CHRNA7: variants seen among roughly 807,000 people sequenced by gnomAD.
The protein encoded by CHRNA7 is cholinergic receptor nicotinic alpha 7 subunit.
Under a neutral mutation model 48.0 loss-of-function variants are expected in CHRNA7, and 17 were observed. That is an observed-to-expected ratio of 0.35 (90% confidence interval 0.24 to 0.53). The LOEUF is 0.53. Among genes scored for constraint, CHRNA7 ranks in the 20% least tolerant of loss-of-function variants. The probability of loss-of-function intolerance (pLI) is 0.92; values close to 1 mark genes in which losing one functional copy is unlikely to be tolerated. For synonymous variants in CHRNA7, 75 were observed against 242.3 expected, an observed-to-expected ratio of 0.31 and a Z score of 6.41; for missense variants, 155 against 577.7, an observed-to-expected ratio of 0.27 and a Z score of 7.50.
At chr15:32,052,322 C>T (rs1197142132) in intron 2 of CHRNA7, among the ~76,000 whole-genome samples, 2 of 151,966 alleles carry the variant, frequency 1.3e-5, no homozygotes, top group African/African-American at 4.8e-5. Flanking sequence ...ATCATATGTG[C>T]TCTCTAATTT....
chr15:32,118,230 G>A (rs968558117), intron 4 of CHRNA7, among the ~76,000 whole-genome samples: 1 of 152,150 alleles, frequency 6.6e-6, no homozygotes. Flanking sequence ...CCAGCAAGAA[G>A]CCCTCACCAG....
chr15:32,081,139 G>T (rs1191348582), intron 2 of CHRNA7, among the ~76,000 whole-genome samples: 1 of 152,132 alleles, frequency 6.6e-6, no homozygotes, highest in African/African-American at 2.4e-5. Flanking sequence ...GGGCCTGTCG[G>T]GTGGGGTCCT....
intron 2 of CHRNA7, among the ~76,000 whole-genome samples, chr15:32,094,274 T>C (rs966775530): frequency 5.3e-5 from 8 of 152,180 alleles, no homozygotes; most frequent in Admixed American, 4.6e-4. Context: ...CATCTGCACA[T>C]TGATGCATCG....
At chr15:32,084,565 A>G (rs928446756) in intron 2 of CHRNA7, among the ~76,000 whole-genome samples, 6 of 152,224 alleles carry the variant, frequency 3.9e-5, no homozygotes, top group Admixed American at 3.3e-4. Flanking sequence ...ATCATGTTCA[A>G]TGTTCCTTCC....
intron 4 of CHRNA7, among the ~76,000 whole-genome samples, chr15:32,125,468 C>T (rs2051049883): frequency 6.6e-6 from 1 of 152,182 alleles, no homozygotes; most frequent in African/African-American, 2.4e-5. Flanking sequence ...TGCCTGGGGT[C>T]CCAGAGTCAA....
intron 2 of CHRNA7, among the ~76,000 whole-genome samples, chr15:32,052,245 G>C (rs866753011): frequency 6.6e-6 from 1 of 150,972 alleles, no homozygotes; most frequent in Non-Finnish European, 1.5e-5. Flanking sequence ...TCTCACTGGA[G>C]AGTTGATGAG....
At chr15:32,049,978 C>G (rs923578047) in intron 2 of CHRNA7, among the ~76,000 whole-genome samples, 8 of 152,166 alleles carry the variant, frequency 5.3e-5, no homozygotes, top group Non-Finnish European at 8.8e-5. Context: ...TTGGCCCCCA[C>G]TCTCTTCTGG....
At chr15:32,148,715 A>G (rs185648821) in intron 4 of CHRNA7, among the ~76,000 whole-genome samples, 3 of 152,336 alleles carry the variant, frequency 2.0e-5, no homozygotes, top group Admixed American at 6.5e-5. Flanking sequence ...GGGGCCAAGC[A>G]GTGGTTTGCT....
chr15:32,070,905 T>G (rs923354444), intron 2 of CHRNA7, among the ~76,000 whole-genome samples: 1 of 151,920 alleles, frequency 6.6e-6, no homozygotes, highest in Non-Finnish European at 1.5e-5. Flanking sequence ...GCCAGGATGG[T>G]CTTGATCTCC....
chr15:32,062,243 C>T (rs1566812359), intron 2 of CHRNA7, among the ~76,000 whole-genome samples: 2 of 152,186 alleles, frequency 1.3e-5, no homozygotes, highest in African/African-American at 2.4e-5. Flanking sequence ...TCTCTACCTC[C>T]ACTACCACGC....
rs75689039 is a variant in CHRNA7 at position 32,137,335 on chromosome 15, A to ACC, written c.351-16563_351-16562dup. ...AAATGTGAGTGGCTATGTTTACAAC[A>ACC]CCCCCCCCCCACACAAACACAGTAA... On this transcript the variant is annotated intron_variant, in intron 4 of 9. Coordinates refer to ENST00000306901, the MANE Select transcript of CHRNA7 (RefSeq NM_000746.6). 7.5e-3 allele frequency among the ~76,000 whole-genome samples: 1,055 copies of ACC among 140,074 alleles called. 11 individuals are homozygous for ACC. The highest frequency in any genetic ancestry group is 0.019 in the African/African-American group (685 of 36,432). The allele number at this position is 140,074 out of a possible 152,430, so 91.9% of individuals were successfully genotyped here. A position where few individuals can be genotyped will look rare whatever the true frequency, so the allele number is the denominator to read the frequency against.
intron 2 of CHRNA7, among the ~76,000 whole-genome samples, chr15:32,098,258 G>A (rs1039175014): frequency 6.6e-6 from 1 of 152,180 alleles, no homozygotes; most frequent in Admixed American, 6.5e-5. Context: ...GTGCAGCAGG[G>A]TCGGGACGTG....
At chr15:32,033,463 T>G (rs1595367492) in intron 2 of CHRNA7, among the ~76,000 whole-genome samples, 2 of 152,200 alleles carry the variant, frequency 1.3e-5, no homozygotes, top group East Asian at 1.9e-4. Flanking sequence ...GGACAAGTCC[T>G]TTGTCTTTCA....
chr15:32,064,605 G>T (rs1259590548), intron 2 of CHRNA7, among the ~76,000 whole-genome samples: 1 of 151,988 alleles, frequency 6.6e-6, no homozygotes, highest in African/African-American at 2.4e-5. Context: ...ATTTGGATGG[G>T]AACGTATTTT....
intron 4 of CHRNA7, among the ~76,000 whole-genome samples, chr15:32,137,300 A>G (rs981288690): frequency 6.8e-6 from 1 of 147,614 alleles, no homozygotes. Context: ...CAAAAACAGG[A>G]ACAAAAATAA....
intron 2 of CHRNA7, among the ~76,000 whole-genome samples, chr15:32,083,855 G>C (rs1324647423): frequency 6.6e-6 from 1 of 152,102 alleles, no homozygotes; most frequent in East Asian, 1.9e-4. Flanking sequence ...CATTTTTCTT[G>C]GTAATTGGTG....
intron 2 of CHRNA7, among the ~76,000 whole-genome samples, chr15:32,052,927 C>T (rs184802288): frequency 5.1e-4 from 78 of 152,126 alleles, no homozygotes; most frequent in Non-Finnish European, 5.6e-4. Flanking sequence ...GTAGATACCC[C>T]GATGATACTG....
At chr15:32,146,642 A>G (rs1043206026) in intron 4 of CHRNA7, among the ~76,000 whole-genome samples, 4 of 152,238 alleles carry the variant, frequency 2.6e-5, no homozygotes, top group Admixed American at 2.6e-4. Flanking sequence ...CAATATCTGC[A>G]GGTGTTGAGT....
In CHRNA7 at chr15:32,124,341, G is replaced by A. The variant is rs551121060; in HGVS notation, c.350+12442G>A. On this transcript the variant is annotated intron_variant, in intron 4 of 9. Coordinates refer to ENST00000306901, the MANE Select transcript of CHRNA7 (RefSeq NM_000746.6). The stretch of plus-strand genomic sequence containing the variant: ...AAGGAAAATTTATTGAGAAAACAAA[G>A]TGCTCATGAATAATTATGTTGCAGT... Among the ~76,000 whole-genome samples, 36 of 152,236 alleles carry A rather than the reference G, an allele frequency of 2.4e-4. 1 individual carries two copies. Among genetic ancestry groups the A allele is most frequent in the African/African-American group, 8.7e-4 (36 of 41,520 alleles).
Sources: allele counts gnomAD v4.1 joint callset (sites outside exome capture counted in the v4.1 genomes callset), GRCh38; gene constraint gnomAD v4.1.1; transcripts MANE v1.5; gene names NCBI Gene and HGNC (gene_info 2026-07-23, HGNC 2026-07-21).